MYBPC1: variants seen among roughly 807,000 people sequenced by gnomAD.
MYBPC1 encodes myosin binding protein C1.
Under a neutral mutation model 147.1 loss-of-function variants are expected in MYBPC1, and 52 were observed. The ratio of observed to expected loss-of-function variants is 0.35; its 90% CI spans 0.28 to 0.45. The LOEUF (loss-of-function observed/expected upper bound fraction) is 0.45, where lower values mean the gene tolerates loss of function less well. Among genes scored for constraint, MYBPC1 ranks in the 20% least tolerant of loss-of-function variants. MYBPC1 has a pLI of 1.00. For missense variants in MYBPC1, 1,228 were observed against 1,440.3 expected, an observed-to-expected ratio of 0.85 and a Z score of 2.39; for synonymous variants, 477 against 475.9, an observed-to-expected ratio of 1.00 and a Z score of -0.03.
the MYBPC1 span, among the ~76,000 whole-genome samples, chr12:101,692,377 T>C: frequency 6.6e-6 from 1 of 152,204 alleles, no homozygotes; most frequent in Non-Finnish European, 1.5e-5. Context: ...AAGTACCCAC[T>C]AAAGTCCTAT....
chr12:101,643,033 A>G (rs1010338167), intron 11 of MYBPC1, among the ~76,000 whole-genome samples: 1 of 152,144 alleles, frequency 6.6e-6, no homozygotes, highest in Non-Finnish European at 1.5e-5. Flanking sequence ...AAATGGGTCC[A>G]GTTTATTGTG....
At chr12:101,663,625 C>T (rs1896951104) in intron 22 of MYBPC1, 65 bp downstream of exon 22, 2 of 1,541,580 alleles carry the variant, frequency 1.3e-6, no homozygotes, top group South Asian at 2.3e-5. Flanking sequence ...CCTCCCCTTT[C>T]TTTTGTCTCT....
intron 10 of MYBPC1, among the ~76,000 whole-genome samples, chr12:101,641,066 C>T (rs1326702386): frequency 1.4e-5 from 2 of 142,884 alleles, no homozygotes; most frequent in African/African-American, 5.2e-5. Context: ...GAGCTGAGAT[C>T]ACACCACTTC....
intron 28 of MYBPC1, 42 bp downstream of exon 28, chr12:101,678,280 G>A (rs202224379): frequency 2.5e-6 from 4 of 1,607,912 alleles, no homozygotes; most frequent in Non-Finnish European, 3.4e-6. Flanking sequence ...TCCCTGTCTT[G>A]TATTTGTTGT....
chr12:101,595,021 T>C lies in MYBPC1; in HGVS notation c.-50T>C, dbSNP rs1366068343. 2.5e-6 allele frequency: 4 copies of C among 1,595,076 alleles called. No homozygotes were observed. Among genetic ancestry groups the C allele is most frequent in the Non-Finnish European group, 3.4e-6 (4 of 1,163,670 alleles). On this transcript the variant is annotated 5_prime_UTR_variant, in exon 1 of 32. Coordinates refer to ENST00000361466, the MANE Select transcript of MYBPC1 (RefSeq NM_002465.4). ...GCCTGCCTGTGGGGTTTCTGTCAAC[T>C]AGTCGTGGAGGGAAGGAGACTCTTT...
intron 29 of MYBPC1, among the ~76,000 whole-genome samples, chr12:101,681,499 T>C (rs1377957591): frequency 3.6e-5 from 5 of 137,180 alleles, no homozygotes; most frequent in Non-Finnish European, 4.6e-5. Context: ...AAAGAGTCTT[T>C]TAGTCCTAAA....
rs75474242 is a variant in MYBPC1, at chr12:101,662,712, A to G, written c.2221+166A>G. 1.7e-3 allele frequency among the ~76,000 whole-genome samples: 261 copies of G among 152,346 alleles called. 4 individuals are homozygous for G. The East Asian group carries it at 0.034, about 20-fold the overall frequency. ...TTTTATGTCTAAGAAATTAAAAAGT[A>G]GGTTTGGTCAAGTTGAATAACTTCA... On this transcript the variant is annotated intron_variant, in intron 21 of 31. Coordinates refer to ENST00000361466, the MANE Select transcript of MYBPC1 (RefSeq NM_002465.4).
intron 3 of MYBPC1, among the ~76,000 whole-genome samples, chr12:101,624,627 A>G (rs1888131144): frequency 8.9e-6 from 1 of 111,872 alleles, no homozygotes; most frequent in Non-Finnish European, 1.9e-5. Context: ...GGTTAAGACT[A>G]CAGCACACAC....
chr12:101,672,304 C>T (rs1898906772), intron 24 of MYBPC1, among the ~76,000 whole-genome samples: 1 of 152,118 alleles, frequency 6.6e-6, no homozygotes, highest in Admixed American at 6.5e-5. Flanking sequence ...TGTTCAGAGC[C>T]CACAGGAAAG....
chr12:101,627,611 G>C (rs1477236029), intron 4 of MYBPC1, among the ~76,000 whole-genome samples, 158 bp from the exon 5 acceptor site: 1 of 152,124 alleles, frequency 6.6e-6, no homozygotes, highest in Admixed American at 6.5e-5. Context: ...CATACTTGGA[G>C]CTCTACTGAT....
chr12:101,631,481 TA>T (rs765418620), intron 6 of MYBPC1, 89 bp from the exon 7 acceptor site: 41,611 of 1,391,760 alleles, frequency 0.03, 2,634 homozygotes, highest in East Asian at 0.28. Flanking sequence ...CCATATTCTG[TA>T]GTGCAGTCCC....
chr12:101,625,286 G>A (rs1209990092), intron 3 of MYBPC1, among the ~76,000 whole-genome samples: 1 of 152,024 alleles, frequency 6.6e-6, no homozygotes, highest in African/African-American at 2.4e-5. Flanking sequence ...TAAATTAAAT[G>A]TTTTACATTC....
intron 7 of MYBPC1, 26 bp downstream of exon 7, chr12:101,631,745 G>A: frequency 6.2e-7 from 1 of 1,613,746 alleles, no homozygotes; most frequent in Non-Finnish European, 8.5e-7. Flanking sequence ...CCCAGGACAG[G>A]CGCTCAGCTA....
chr12:101,681,383 A>C (rs1950929765), intron 29 of MYBPC1, among the ~76,000 whole-genome samples: 1 of 151,358 alleles, frequency 6.6e-6, no homozygotes, highest in African/African-American at 2.4e-5. Flanking sequence ...AATAACCAAA[A>C]TCTTTCTTTT....
At chr12:101,647,192 T>G (rs914845351) in intron 13 of MYBPC1, among the ~76,000 whole-genome samples, 1 of 152,242 alleles carries the variant, frequency 6.6e-6, no homozygotes, top group Admixed American at 6.5e-5. Context: ...TGATCACAAA[T>G]AGGTTTCTCT....
At position 101,652,782 on chromosome 12, in the gene MYBPC1, T is replaced by C. The variant is rs1894758193; in HGVS notation, c.1631T>C (p.Ile544Thr). The stretch of plus-strand genomic sequence containing the variant: ...ACTCTGCCTGCCAAAGTTCATGTTA[T>C]TGGTGAGTAGATAAAATAATTCATT... ...NVTLPAKVHVIDPPKIILDGL... is the reference protein window; with the variant it reads ...NVTLPAKVHVTDPPKIILDGL... The change falls in exon 17 of 32, where the codon ATT becomes ACT. Residue 544 changes from isoleucine (I) to threonine (T), a missense_variant and splice_region_variant. Ile to Thr is a moderately conservative substitution (Grantham distance 89). Transcript: ENST00000361466. The C allele has an allele frequency of 1.9e-6, 3 of 1,606,784 alleles. No individual in the cohort carries two copies. The highest frequency in any genetic ancestry group is 2.6e-6 in the Non-Finnish European group (3 of 1,173,476).
At chr12:101,657,181 A>C (rs992394543) in intron 18 of MYBPC1, among the ~76,000 whole-genome samples, 5 of 152,192 alleles carry the variant, frequency 3.3e-5, no homozygotes, top group African/African-American at 1.2e-4. Context: ...AATACAACAT[A>C]TCAAAATGTT....
Position 101,662,446 on chromosome 12 carries a change from G to T in MYBPC1, c.2121G>T (p.Lys707Asn). 1 of 1,614,240 alleles carries T rather than the reference G, an allele frequency of 6.2e-7. No individual in the cohort carries two copies. The highest frequency in any genetic ancestry group is 8.5e-7 in the Non-Finnish European group (1 of 1,180,042). The change falls in exon 21 of 32, where the codon AAG becomes AAT. Residue 707 changes from lysine (K) to asparagine (N), a missense_variant. Lys to Asn is a moderately conservative substitution (Grantham distance 94). Coordinates refer to ENST00000361466, the MANE Select transcript of MYBPC1 (RefSeq NM_002465.4). ...DLCKETTFEPKKMIEGVAYEV... is the reference protein window; with the variant it reads ...DLCKETTFEPNKMIEGVAYEV... ...GCAAAGAAACAACTTTTGAGCCCAA[G>T]AAGATGATTGAAGGTGTGGCCTATG...
rs745630328 is a variant in MYBPC1 at position 101,653,288 on chromosome 12, A to G, written c.1767+40A>G. 18 of 1,609,632 alleles carry G rather than the reference A, an allele frequency of 1.1e-5. No individual in the cohort carries two copies. In the East Asian group the frequency reaches 1.6e-4, roughly 14 times the overall value. The stretch of plus-strand genomic sequence containing the variant: ...TGCACACACTCACATGCACACACAC[A>G]TATGCAGACACACTGCCTACCCCAC... On this transcript the variant is annotated intron_variant, in intron 18 of 31. Transcript: ENST00000361466.
Sources: allele counts gnomAD v4.1 joint callset (sites outside exome capture counted in the v4.1 genomes callset), GRCh38; gene constraint gnomAD v4.1.1; transcripts MANE v1.5; gene names NCBI Gene and HGNC (gene_info 2026-07-23, HGNC 2026-07-21).